Variants in CDH4 observed in about 807,000 individuals in gnomAD.
CDH4 encodes the protein cadherin-4.
CDH4 carries 33 observed loss-of-function variants against 86.0 expected under a neutral mutation model. The ratio of observed to expected loss-of-function variants is 0.38; its 90% confidence interval spans 0.29 to 0.51. CDH4 has a LOEUF of 0.51. CDH4 is among the 20% of genes least tolerant of loss of function. CDH4 has a pLI of 0.86. For synonymous variants in CDH4, 555 were observed against 549.4 expected, an observed-to-expected ratio of 1.01 and a Z score of -0.14; for missense variants, 1,114 against 1,307.4, an observed-to-expected ratio of 0.85 and a Z score of 2.28.
At position 61,582,353 on chromosome 20, in the gene CDH4, G is replaced by T. The variant is rs1406295334; in HGVS notation, c.170-161210G>T. On this transcript the variant is annotated intron_variant, in intron 2 of 15. Coordinates refer to ENST00000614565, the MANE Select transcript of CDH4 (RefSeq NM_001794.5). The surrounding 1 kb of genome is among the most constrained non-coding windows in gnomAD (Gnocchi z 4.2). ...CTCTCCTCCTTATTGTTCAAGCGCA[G>T]TGAAAAAGGCAGCGTGAGCCCTGGG... Among the ~76,000 whole-genome samples the T allele has an allele frequency of 6.6e-6, 1 of 152,184 alleles. No individual in the cohort carries two copies. The highest frequency in any genetic ancestry group is 2.4e-5 in the African/African-American group (1 of 41,442).
rs58466196 is a variant in CDH4 at position 61,662,340 on chromosome 20, C to T, written c.170-81223C>T. Among the ~76,000 whole-genome samples, 24 of 152,170 alleles carry T rather than the reference C, an allele frequency of 1.6e-4. No individual in the cohort carries two copies. In the South Asian group the frequency reaches 4.6e-3, roughly 29 times the overall value. On this transcript the variant is annotated intron_variant, in intron 2 of 15. Coordinates refer to ENST00000614565, the MANE Select transcript of CDH4 (RefSeq NM_001794.5). ...TCGCTGGCTTCCTGGAGCCGCACAGCGCAACCTCTGTCAGGGCAAGTGTAG... is the reference window on the plus strand; with the variant it reads ...TCGCTGGCTTCCTGGAGCCGCACAGTGCAACCTCTGTCAGGGCAAGTGTAG...
chr20:61,932,765 C>T (rs958824724), intron 13 of CDH4, among the ~76,000 whole-genome samples: 1 of 152,260 alleles, frequency 6.6e-6, no homozygotes, highest in Non-Finnish European at 1.5e-5. Flanking sequence ...CGAATGCACA[C>T]GCACGTGGGC....
chr20:61,532,556 G>A (rs538343774), intron 2 of CDH4, among the ~76,000 whole-genome samples: 2 of 152,288 alleles, frequency 1.3e-5, no homozygotes, highest in South Asian at 2.1e-4. Context: ...TGAGTAAGTG[G>A]ACAAGGGATA....
At position 61,450,740 on chromosome 20, in the gene CDH4, T is replaced by C. The variant is rs537859703; in HGVS notation, c.169+195803T>C. Among the ~76,000 whole-genome samples the C allele has an allele frequency of 1.1e-4, 16 of 151,720 alleles. No homozygotes were observed. The South Asian group carries it at 3.4e-3, about 32-fold the overall frequency. On this transcript the variant is annotated intron_variant, in intron 2 of 15. Transcript: ENST00000614565. ...CTCCAGGATTCATTCAGCAAACTGC[T>C]CGGTGGCCACTGTTGTCAGGACACT...
At chr20:61,687,096 C>T (rs561068688) in intron 2 of CDH4, among the ~76,000 whole-genome samples, 3 of 152,310 alleles carry the variant, frequency 2.0e-5, no homozygotes, top group Admixed American at 1.3e-4. Context: ...GCGACCTCCC[C>T]GCACGCCCTG....
intron 3 of CDH4, among the ~76,000 whole-genome samples, chr20:61,756,898 G>A (rs1032129235): frequency 1.3e-5 from 2 of 152,172 alleles, no homozygotes; most frequent in African/African-American, 4.8e-5. Context: ...TCCCGAGGTG[G>A]GGGTCCAAGT....
chr20:61,822,132 A>G (rs181277390), intron 4 of CDH4, among the ~76,000 whole-genome samples: 43 of 152,352 alleles, frequency 2.8e-4, no homozygotes, highest in African/African-American at 1.0e-3. Flanking sequence ...TATTTGCAGT[A>G]ACTCTGCCTT....
At chr20:61,755,837 C>T (rs755979625) in intron 3 of CDH4, among the ~76,000 whole-genome samples, 6 of 152,184 alleles carry the variant, frequency 3.9e-5, no homozygotes, top group Admixed American at 1.3e-4. Context: ...TACACACGTG[C>T]GGCTACATGA....
intron 2 of CDH4, among the ~76,000 whole-genome samples, chr20:61,636,932 G>A (rs573819013): frequency 7.0e-4 from 107 of 152,270 alleles, no homozygotes; most frequent in Non-Finnish European, 1.3e-3. Context: ...CTCCCCTGAT[G>A]GTCCCCTGCA....
chr20:61,917,570 G>A (rs2054917771), intron 9 of CDH4, among the ~76,000 whole-genome samples: 1 of 152,232 alleles, frequency 6.6e-6, no homozygotes, highest in African/African-American at 2.4e-5. Flanking sequence ...GGCGCAGAGT[G>A]AGACTTTGAA....
intron 2 of CDH4, among the ~76,000 whole-genome samples, chr20:61,662,254 T>C (rs55668261): frequency 0.48 from 73,611 of 152,044 alleles, 18,596 homozygotes; most frequent in African/African-American, 0.58. Context: ...CTGGACTGCT[T>C]GGTGAGAGCG....
chr20:61,711,329 C>T (rs78708095), intron 2 of CDH4, among the ~76,000 whole-genome samples: 20,303 of 152,234 alleles, frequency 0.13, 1,529 homozygotes, highest in East Asian at 0.23. Context: ...TAAACCTCTT[C>T]CCTTTACAAA....
rs577322287 is a variant in CDH4, at chr20:61,522,445, C to T, written c.170-221118C>T. Among the ~76,000 whole-genome samples the T allele has an allele frequency of 2.0e-4, 30 of 152,344 alleles. No individual in the cohort carries two copies. The South Asian group carries it at 5.6e-3, about 28-fold the overall frequency. On this transcript the variant is annotated intron_variant, in intron 2 of 15. Coordinates refer to ENST00000614565, the MANE Select transcript of CDH4 (RefSeq NM_001794.5). ...CTGCGCCGTCCCTGACACCAAATGT[C>T]GCATCCATTAACGTTTAATTCAATC...
intron 9 of CDH4, among the ~76,000 whole-genome samples, chr20:61,915,649 G>A (rs1292188427): frequency 1.3e-5 from 2 of 152,216 alleles, no homozygotes; most frequent in Non-Finnish European, 2.9e-5. Flanking sequence ...GAACCAAAAG[G>A]TGGCCTGTTG....
intron 2 of CDH4, among the ~76,000 whole-genome samples, chr20:61,413,290 T>G (rs2085129684): frequency 6.6e-6 from 1 of 151,554 alleles, no homozygotes; most frequent in Admixed American, 6.6e-5. Flanking sequence ...TGTTTCTCTT[T>G]GTACCTCCCA....
chr20:61,822,531 C>T (rs78562963), intron 4 of CDH4, among the ~76,000 whole-genome samples: 3,634 of 152,250 alleles, frequency 0.024, 112 homozygotes, highest in East Asian at 0.093. Flanking sequence ...CAAGGTATTC[C>T]GTGGTGCCTC....
chr20:61,880,942 A>T (rs1448198233), intron 7 of CDH4, among the ~76,000 whole-genome samples: 6 of 152,184 alleles, frequency 3.9e-5, no homozygotes, highest in Non-Finnish European at 8.8e-5. Flanking sequence ...CAGCGGTGCT[A>T]ATGGTGACCT....
At chr20:61,842,825 T>C (rs556002134) in intron 4 of CDH4, among the ~76,000 whole-genome samples, 3 of 152,314 alleles carry the variant, frequency 2.0e-5, no homozygotes, top group Non-Finnish European at 4.4e-5. Flanking sequence ...GAGCGTTTGG[T>C]TTGTTGGCTG....
intron 7 of CDH4, among the ~76,000 whole-genome samples, chr20:61,894,141 C>T (rs981085214): frequency 2.0e-5 from 3 of 152,172 alleles, no homozygotes; most frequent in African/African-American, 7.2e-5. Context: ...GCCCACAAGC[C>T]TGTCCTCAGC....
Sources: gnomAD v4.1 joint callset for allele counts (sites outside exome capture counted in the v4.1 genomes callset) on GRCh38, gnomAD v4.1.1 for gene constraint, Gnocchi (gnomAD v3.1) non-coding constraint, MANE v1.5 for transcripts, NCBI Gene and HGNC (gene_info 2026-07-23, HGNC 2026-07-21) for gene names.